USP13: variants seen among roughly 807,000 people sequenced by gnomAD.
The protein encoded by USP13 is ubiquitin specific peptidase 13, also known as ubiquitin carboxyl-terminal hydrolase 13.
Under a neutral mutation model 107.8 loss-of-function variants are expected in USP13, and 68 were observed. The observed-to-expected ratio is 0.63, with a 90% CI of 0.52 to 0.77. The LOEUF is 0.77. Among genes scored for constraint, USP13 ranks in the 30% least tolerant of loss-of-function variants. The probability of loss-of-function intolerance (pLI) is 0.00; values close to 1 mark genes in which losing one functional copy is unlikely to be tolerated. For missense variants in USP13, 945 were observed against 1,093.3 expected (o/e 0.86, Z 1.91); for synonymous variants, 377 against 389.5 (o/e 0.97, Z 0.38).
chr3:179,777,068 T>C (rs1715567718), intron 19 of USP13, among the ~76,000 whole-genome samples: 1 of 152,178 alleles, frequency 6.6e-6, no homozygotes, highest in Non-Finnish European at 1.5e-5. Context: ...GAATAATGCA[T>C]GGAGCAGTTG....
chr3:179,732,908 C>A (rs369661832), intron 10 of USP13, among the ~76,000 whole-genome samples: 2 of 152,192 alleles, frequency 1.3e-5, no homozygotes, highest in African/African-American at 4.8e-5. Flanking sequence ...AGCCACTGCT[C>A]TGGATCAAGG....
chr3:179,699,878 A>T (rs186898527), intron 3 of USP13, among the ~76,000 whole-genome samples: 1 of 152,118 alleles, frequency 6.6e-6, no homozygotes, highest in East Asian at 1.9e-4. Flanking sequence ...CATACAAGGT[A>T]ATAACAGAAT....
rs1377683785 is a variant in USP13, at chr3:179,730,661, T to C, written c.1206T>C (p.Pro402=). 1 of 1,614,130 alleles carries C rather than the reference T, an allele frequency of 6.2e-7. No homozygotes were observed. The highest frequency in any genetic ancestry group is 8.5e-7 in the Non-Finnish European group (1 of 1,180,002). The change falls in exon 10 of 21, where the codon CCT becomes CCC. Residue 402 remains proline, a synonymous_variant. Coordinates refer to ENST00000263966, the MANE Select transcript of USP13 (RefSeq NM_003940.3). ...TTCTCTCAGGCCAGTATTCAAAGCC[T>C]CCGGTGAAATCTGAACTCATTGAAC... ...HGLLSGQYSK[P]PVKSELIEQV...
chr3:179,787,907 A>C lies in USP13; in HGVS notation c.*3766A>C, dbSNP rs1414428656. ...CCGCGTCCAGCCCCACTTTTTTTCT[A>C]CTCTTGAAAAAAACAACTTTCTAGT... On this transcript the variant is annotated 3_prime_UTR_variant, in exon 21 of 21. Transcript: ENST00000263966. 1.3e-5 allele frequency: 2 copies of C among 150,850 alleles called. No individual in the cohort carries two copies. Among genetic ancestry groups the C allele is most frequent in the Non-Finnish European group, 3.0e-5 (2 of 67,668 alleles). 9.3% of individuals were successfully genotyped at this position (150,850 alleles called of 1,614,324 possible). A position where few individuals can be genotyped will look rare whatever the true frequency, so the allele number is the denominator to read the frequency against.
intron 1 of USP13, among the ~76,000 whole-genome samples, chr3:179,672,298 T>C: frequency 6.6e-6 from 1 of 152,224 alleles, no homozygotes. Context: ...AATGGCTAAG[T>C]ATATACTGTA....
intron 1 of USP13, among the ~76,000 whole-genome samples, chr3:179,669,474 A>C (rs1720682156): frequency 6.6e-6 from 1 of 151,930 alleles, no homozygotes; most frequent in South Asian, 2.1e-4. Context: ...AAAAAAATTA[A>C]ATAAATAAAT....
chr3:179,766,208 G>A (rs969430273), intron 19 of USP13, among the ~76,000 whole-genome samples: 6 of 152,158 alleles, frequency 3.9e-5, no homozygotes, highest in African/African-American at 1.2e-4. Context: ...TTGATCTCCT[G>A]ACCTCGTGAT....
chr3:179,771,096 C>G (rs901276085), intron 19 of USP13, among the ~76,000 whole-genome samples: 3 of 152,146 alleles, frequency 2.0e-5, no homozygotes, highest in Non-Finnish European at 2.9e-5. Context: ...GCAGGCCTGC[C>G]GTGATTCAGG....
chr3:179,779,719 TAAAAAAAA>T (rs113797839), intron 19 of USP13, among the ~76,000 whole-genome samples: 1 of 103,854 alleles, frequency 9.6e-6, no homozygotes, highest in Non-Finnish European at 2.0e-5. Flanking sequence ...AAGGGTTTGT[TAAAAAAAA>T]AAAAAAAAAA....
At chr3:179,674,753 T>C (rs1720847134) in intron 1 of USP13, among the ~76,000 whole-genome samples, 1 of 152,154 alleles carries the variant, frequency 6.6e-6, no homozygotes. Flanking sequence ...GTTTTCTCTG[T>C]GGCTTCAGGC....
At chr3:179,700,862 C>T (rs927938214) in intron 3 of USP13, 146 bp from the exon 4 acceptor site, 13 of 896,168 alleles carry the variant, frequency 1.5e-5, no homozygotes, top group East Asian at 8.3e-5. Flanking sequence ...GACAGATGGA[C>T]GGCCCTGTCA....
At chr3:179,675,316 A>G (rs1208775609) in intron 1 of USP13, among the ~76,000 whole-genome samples, 1 of 152,058 alleles carries the variant, frequency 6.6e-6, no homozygotes, top group African/African-American at 2.4e-5. Flanking sequence ...CATGTTTCGT[A>G]TAAGTTGTAG....
At chr3:179,775,581 C>T (rs563662695) in intron 19 of USP13, among the ~76,000 whole-genome samples, 9 of 152,292 alleles carry the variant, frequency 5.9e-5, no homozygotes, top group South Asian at 2.1e-4. Flanking sequence ...CGGTGCCCCT[C>T]GGGGAGGCTT....
chr3:179,688,411 T>A (rs1711973045), intron 2 of USP13, among the ~76,000 whole-genome samples: 1 of 152,230 alleles, frequency 6.6e-6, no homozygotes, highest in Non-Finnish European at 1.5e-5. Context: ...TGTTTACATA[T>A]ATGCTCCCCT....
intron 13 of USP13, among the ~76,000 whole-genome samples, chr3:179,747,821 G>T (rs1339479609): frequency 6.6e-6 from 1 of 152,156 alleles, no homozygotes; most frequent in Non-Finnish European, 1.5e-5. Flanking sequence ...TCAGTTGTAG[G>T]CAGTGCTAGC....
rs545104597 is a variant in USP13, at chr3:179,731,284, G to A, written c.1254+575G>A. Among the ~76,000 whole-genome samples the A allele has an allele frequency of 3.9e-4, 59 of 152,282 alleles. No homozygotes were observed. In the South Asian group the frequency reaches 0.011, roughly 28 times the overall value. ...AAATTAGCTGGGCGTGGTGGTGCACGCCTGTAATCCCAGTTACTCAGGAAG... is the reference window on the plus strand; with the variant it reads ...AAATTAGCTGGGCGTGGTGGTGCACACCTGTAATCCCAGTTACTCAGGAAG... On this transcript the variant is annotated intron_variant, in intron 10 of 20. Coordinates refer to ENST00000263966, the MANE Select transcript of USP13 (RefSeq NM_003940.3).
In USP13 at chr3:179,730,722, G is replaced by A. The variant is rs1156528060; in HGVS notation, c.1254+13G>A. The A allele has an allele frequency of 1.2e-6, 2 of 1,611,514 alleles. No homozygotes were observed. Among genetic ancestry groups the A allele is most frequent in the African/African-American group, 2.7e-5 (2 of 74,906 alleles). On this transcript the variant is annotated intron_variant, in intron 10 of 20. Transcript: ENST00000263966. ...GGAGGAGCACAAGGTATGTGTCCGA[G>A]CGTTTGCCATGTTGACATGTAGGTA...
Position 179,768,976 on chromosome 3 carries a change from T to A in USP13, c.2413+3128T>A, listed in dbSNP as rs371018980. 3.0e-4 allele frequency among the ~76,000 whole-genome samples: 45 copies of A among 152,330 alleles called. No homozygotes were observed. The South Asian group carries it at 9.1e-3, about 31-fold the overall frequency. On this transcript the variant is annotated intron_variant, in intron 19 of 20. Transcript: ENST00000263966. ...TTAGCAACTTAAGGAAATATAGATA[T>A]ATGAAAAGACAAAATTAAAAATTAC...
At chr3:179,749,083 G>A (rs1051414116) in intron 13 of USP13, among the ~76,000 whole-genome samples, 5 of 152,152 alleles carry the variant, frequency 3.3e-5, no homozygotes, top group Admixed American at 6.5e-5. Flanking sequence ...CAGTAGACAG[G>A]AAGATTATGG....
Sources: allele counts gnomAD v4.1 joint callset (sites outside exome capture counted in the v4.1 genomes callset), GRCh38; gene constraint gnomAD v4.1.1; transcripts MANE v1.5; gene names NCBI Gene and HGNC (gene_info 2026-07-23, HGNC 2026-07-21).